Variants in GPC3 observed in about 807,000 individuals in gnomAD.
GPC3 encodes glypican-3.
In GPC3, 3 loss-of-function variants were observed where a neutral mutation model predicts 34.4. The ratio of observed to expected loss-of-function variants is 0.09; its 90% CI spans 0.04 to 0.23. The LOEUF is 0.23. Among genes scored for constraint, GPC3 ranks in the 10% least tolerant of loss-of-function variants. GPC3 has a pLI of 1.00. For synonymous variants in GPC3, 177 were observed against 174.0 expected (o/e 1.02, Z -0.13); for missense variants, 351 against 445.6 (o/e 0.79, Z 1.91).
At chrX:133,941,405 C>T (rs1803049589) in intron 2 of GPC3, among the ~76,000 whole-genome samples, 1 of 112,544 alleles carries the variant, frequency 8.9e-6, no homozygotes, top group African/African-American at 3.2e-5. Context: ...GTTTCAGATC[C>T]AGAGGAAGAA....
At chrX:133,733,894 A>G (rs184430652) in intron 3 of GPC3, among the ~76,000 whole-genome samples, 4 of 112,059 alleles carry the variant, frequency 3.6e-5, no homozygotes, top group African/African-American at 1.3e-4. Flanking sequence ...TTGAGTTAAT[A>G]CTTTTAAAAC....
At chrX:133,677,148 C>G (rs1174365938) in intron 5 of GPC3, among the ~76,000 whole-genome samples, 1 of 111,827 alleles carries the variant, frequency 8.9e-6, no homozygotes, top group Non-Finnish European at 1.9e-5. Context: ...GTACCCCAAA[C>G]TCTCCAACAT....
chrX:133,562,617 T>C lies in GPC3; in HGVS notation c.1574-26324A>G, dbSNP rs141293035. On this transcript the variant is annotated intron_variant, in intron 7 of 7. Transcript: ENST00000370818. ...CTGCACTTCAGCCTGGGCGAAAGAGTGAGAATCGGTGTCAAAAGAAAAAAA... is the reference window on the plus strand; with the variant it reads ...CTGCACTTCAGCCTGGGCGAAAGAGCGAGAATCGGTGTCAAAAGAAAAAAA... 2.4e-3 allele frequency among the ~76,000 whole-genome samples: 268 copies of C among 110,270 alleles called. 3 individuals are homozygous for C. The highest frequency in any genetic ancestry group is 1.7e-3 in the Non-Finnish European group (91 of 52,800).
chrX:133,555,607 C>T (rs771079400), intron 7 of GPC3, among the ~76,000 whole-genome samples: 36 of 111,383 alleles, frequency 3.2e-4, no homozygotes, highest in South Asian at 1.5e-3. Flanking sequence ...GTGGGTGGAT[C>T]CCTTGAGGCC....
chrX:133,926,747 G>A (rs1234008852), intron 2 of GPC3, among the ~76,000 whole-genome samples: 1 of 111,638 alleles, frequency 9.0e-6, no homozygotes, highest in East Asian at 2.8e-4. Context: ...AAAAATTAAA[G>A]TGTTTGAGGC....
intron 2 of GPC3, among the ~76,000 whole-genome samples, chrX:133,809,711 G>A (rs1282609054): frequency 8.9e-6 from 1 of 111,941 alleles, no homozygotes; most frequent in African/African-American, 3.3e-5. Flanking sequence ...TAAAAGGGGA[G>A]TGAGATATTG....
intron 2 of GPC3, among the ~76,000 whole-genome samples, chrX:133,756,601 A>G (rs2071727997): frequency 8.9e-6 from 1 of 112,789 alleles, no homozygotes; most frequent in Non-Finnish European, 1.9e-5. Context: ...GCAAGATTCC[A>G]TTGACTGTAC....
chrX:133,829,806 G>C (rs1031476677), intron 2 of GPC3, among the ~76,000 whole-genome samples: 5 of 111,983 alleles, frequency 4.5e-5, no homozygotes, highest in African/African-American at 1.6e-4. Flanking sequence ...ATCAGGGATA[G>C]AGAAGGACAT....
At chrX:133,788,751 TC>T (rs1205973277) in intron 2 of GPC3, among the ~76,000 whole-genome samples, 5 of 79,555 alleles carry the variant, frequency 6.3e-5, no homozygotes, top group Non-Finnish European at 9.5e-5. Flanking sequence ...CTCCTCCTCC[TC>T]CCCCCCTTCC....
At chrX:133,716,884 A>G (rs1316284313) in intron 3 of GPC3, among the ~76,000 whole-genome samples, 1 of 112,405 alleles carries the variant, frequency 8.9e-6, no homozygotes, top group Non-Finnish European at 1.9e-5. Context: ...GACAAAGATA[A>G]TCTTGAAAGC....
At chrX:133,644,867 G>A (rs757929054) in intron 6 of GPC3, among the ~76,000 whole-genome samples, 38 of 110,538 alleles carry the variant, frequency 3.4e-4, no homozygotes, top group Non-Finnish European at 5.3e-4. Context: ...TGCAACCTCC[G>A]CCTCCCAGGT....
intron 2 of GPC3, among the ~76,000 whole-genome samples, chrX:133,944,341 A>C (rs748836547): frequency 8.9e-6 from 1 of 112,311 alleles, no homozygotes; most frequent in Admixed American, 9.4e-5. Flanking sequence ...CATTTCAGTT[A>C]ATTGGGTTCA....
chrX:133,547,413 G>A (rs2069395688), intron 7 of GPC3, among the ~76,000 whole-genome samples: 4 of 111,248 alleles, frequency 3.6e-5, no homozygotes, highest in Admixed American at 1.9e-4. Context: ...TAAGGGGAGT[G>A]CACCACTACT....
intron 3 of GPC3, among the ~76,000 whole-genome samples, chrX:133,736,472 C>T (rs2071512338): frequency 4.5e-5 from 5 of 111,801 alleles, no homozygotes; most frequent in South Asian, 3.8e-4. Flanking sequence ...GTGGAAGAAA[C>T]CCAAATGTCC....
intron 3 of GPC3, among the ~76,000 whole-genome samples, chrX:133,732,831 A>G (rs1018704421): frequency 2.7e-5 from 3 of 111,327 alleles, no homozygotes; most frequent in African/African-American, 9.8e-5. Flanking sequence ...GAGGCAATCC[A>G]CTACAGAACC....
intron 3 of GPC3, among the ~76,000 whole-genome samples, chrX:133,724,210 G>T (rs1305887074): frequency 5.4e-5 from 6 of 112,067 alleles, no homozygotes; most frequent in Non-Finnish European, 1.1e-4. Context: ...CAACTTCAAA[G>T]CCTAATGCGT....
intron 6 of GPC3, among the ~76,000 whole-genome samples, chrX:133,626,442 A>C (rs1184943326): frequency 9.0e-6 from 1 of 111,237 alleles, no homozygotes; most frequent in Non-Finnish European, 1.9e-5. Flanking sequence ...TCCAGAATCT[A>C]CAAGGAACTT....
chrX:133,940,811 A>T (rs1352360081), intron 2 of GPC3, among the ~76,000 whole-genome samples: 1 of 112,083 alleles, frequency 8.9e-6, no homozygotes, highest in Non-Finnish European at 1.9e-5. Flanking sequence ...GAAAGAACAT[A>T]CTTTGTTTTC....
intron 2 of GPC3, among the ~76,000 whole-genome samples, chrX:133,789,918 GT>G (rs992117881): frequency 9.0e-6 from 1 of 111,697 alleles, no homozygotes; most frequent in African/African-American, 3.3e-5. Flanking sequence ...CTTAACTACT[GT>G]TTTTTTCTTT....
Sources: gnomAD v4.1 joint callset for allele counts (sites outside exome capture counted in the v4.1 genomes callset) on GRCh38, gnomAD v4.1.1 for gene constraint, MANE v1.5 for transcripts, NCBI Gene and HGNC (gene_info 2026-07-23, HGNC 2026-07-21) for gene names.